STXBP5L: variants seen among roughly 807,000 people sequenced by gnomAD.
STXBP5L encodes the protein syntaxin binding protein 5L, also known as syntaxin-binding protein 5-like.
STXBP5L carries 65 observed loss-of-function variants against 144.5 expected under a neutral mutation model. The observed-to-expected ratio is 0.45, with a 90% CI of 0.37 to 0.55. The LOEUF (loss-of-function observed/expected upper bound fraction) is 0.55. Ranked by LOEUF, STXBP5L falls within the 20% of genes least tolerant of loss-of-function variation. The pLI is 0.00. For missense variants in STXBP5L, 1,298 were observed against 1,405.5 expected, an observed-to-expected ratio of 0.92 and a Z score of 1.22; for synonymous variants, 505 against 469.6, an observed-to-expected ratio of 1.08 and a Z score of -0.97.
intron 20 of STXBP5L, among the ~76,000 whole-genome samples, chr3:121,346,006 G>C (rs978830747): frequency 1.3e-5 from 2 of 151,484 alleles, no homozygotes; most frequent in Admixed American, 1.3e-4. Context: ...CACAACGTGC[G>C]GGTTTGTTGC....
rs143285940 is a variant in STXBP5L, at chr3:121,406,484, G to C, written c.2588-759G>C. Among the ~76,000 whole-genome samples the C allele has an allele frequency of 7.0e-4, 106 of 152,100 alleles. No homozygotes were observed. In the East Asian group the frequency reaches 0.018, roughly 25 times the overall value. On this transcript the variant is annotated intron_variant, in intron 22 of 26. Transcript: ENST00000471454. ...AGGGAAGATTCTGGAAATATCCAAAGATCAATAGAGCCCAAACTACCTCCT... is the reference window on the plus strand; with the variant it reads ...AGGGAAGATTCTGGAAATATCCAAACATCAATAGAGCCCAAACTACCTCCT...
In STXBP5L at chr3:121,259,073, A is replaced by G. The variant is rs2050302582; in HGVS notation, c.1863A>G (p.Pro621=). 3 of 1,606,602 alleles carry G rather than the reference A, an allele frequency of 1.9e-6. No homozygotes were observed. The highest frequency in any genetic ancestry group is 1.3e-5 in the African/African-American group (1 of 74,714). Residue 621 remains proline (P), a synonymous_variant, in exon 18 of 27, where the codon CCA becomes CCG. Transcript: ENST00000471454. The part of the protein sequence containing the change: ...NVKTRPVRMP[P]GYQAELVIQL... ...AGACACGGCCAGTGCGAATGCCTCC[A>G]GGATATCAAGCAGAACTTGTTATTC...
At chr3:121,354,522 T>C (rs1294291548) in intron 20 of STXBP5L, among the ~76,000 whole-genome samples, 1 of 147,110 alleles carries the variant, frequency 6.8e-6, no homozygotes, top group Non-Finnish European at 1.5e-5. Flanking sequence ...TTTTTTTTTT[T>C]TTTTTTTGCT....
intron 7 of STXBP5L, among the ~76,000 whole-genome samples, chr3:121,144,594 T>C (rs1376841742): frequency 2.6e-5 from 4 of 151,884 alleles, no homozygotes; most frequent in Non-Finnish European, 5.9e-5. Flanking sequence ...ACTACCTATA[T>C]AATACAGCAG....
At chr3:121,123,295 A>G (rs943172840) in intron 7 of STXBP5L, among the ~76,000 whole-genome samples, 1 of 151,642 alleles carries the variant, frequency 6.6e-6, no homozygotes, top group African/African-American at 2.4e-5. Flanking sequence ...TAAAACATAT[A>G]TTCGTTTTTG....
intron 7 of STXBP5L, among the ~76,000 whole-genome samples, chr3:121,133,637 C>A (rs771846581): frequency 1.4e-4 from 21 of 152,140 alleles, no homozygotes; most frequent in Non-Finnish European, 2.9e-4. Flanking sequence ...CTAAAGAGTT[C>A]TTTAAGTTGA....
rs151272658 is a variant in STXBP5L at position 120,914,174 on chromosome 3, T to C, written c.189+4407T>C. On this transcript the variant is annotated intron_variant, in intron 2 of 26. Transcript: ENST00000471454. ...GGGGGAACAACTCAGAAGTTCTAGA[T>C]TGACAGTGACAAACACACAGGGTGT... 2.5e-3 allele frequency among the ~76,000 whole-genome samples: 384 copies of C among 152,100 alleles called. 3 individuals are homozygous for C. Among genetic ancestry groups the C allele is most frequent in the Non-Finnish European group, 3.6e-3 (242 of 67,874 alleles).
intron 19 of STXBP5L, among the ~76,000 whole-genome samples, chr3:121,304,038 T>A (rs868425960): frequency 3.4e-5 from 5 of 147,934 alleles, no homozygotes; most frequent in South Asian, 4.4e-4. Context: ...AAAAAAAAAA[T>A]ACGTTGAAAG....
chr3:121,313,179 CTCACCT>C, intron 19 of STXBP5L, among the ~76,000 whole-genome samples: 15 of 143,606 alleles, frequency 1.0e-4, no homozygotes, highest in Admixed American at 4.1e-4. Context: ...AGAGGCGCCC[CTCACCT>C]CCCGGACGGG....
intron 3 of STXBP5L, among the ~76,000 whole-genome samples, chr3:121,025,135 T>TA (rs1945838162): frequency 1.3e-5 from 2 of 152,118 alleles, no homozygotes; most frequent in African/African-American, 4.8e-5. Context: ...TAAGAGAAGT[T>TA]AGAGAGGCCA....
At chr3:121,096,248 C>T (rs946929883) in intron 5 of STXBP5L, among the ~76,000 whole-genome samples, 9 of 152,158 alleles carry the variant, frequency 5.9e-5, no homozygotes, top group African/African-American at 2.2e-4. Flanking sequence ...GGAACCACCT[C>T]CTCCTCTAAC....
intron 7 of STXBP5L, among the ~76,000 whole-genome samples, chr3:121,130,403 G>A (rs982343568): frequency 6.6e-6 from 1 of 152,048 alleles, no homozygotes; most frequent in African/African-American, 2.4e-5. Flanking sequence ...GTATATTTAG[G>A]ATGTTAGCCT....
chr3:121,154,333 A>C (rs2046043109), intron 8 of STXBP5L, among the ~76,000 whole-genome samples: 1 of 151,908 alleles, frequency 6.6e-6, no homozygotes, highest in South Asian at 2.1e-4. Context: ...TCATATCTAG[A>C]AAGCATGCTT....
At chr3:121,053,850 G>A (rs1298762534) in intron 5 of STXBP5L, among the ~76,000 whole-genome samples, 8 of 152,002 alleles carry the variant, frequency 5.3e-5, no homozygotes, top group Non-Finnish European at 7.4e-5. Context: ...CTGACAAAGG[G>A]CTAATATCCA....
intron 20 of STXBP5L, among the ~76,000 whole-genome samples, chr3:121,347,518 G>C (rs1483945325): frequency 6.6e-6 from 1 of 152,136 alleles, no homozygotes; most frequent in South Asian, 2.1e-4. Context: ...ACTTGATGGG[G>C]ATGGCATTGA....
intron 20 of STXBP5L, among the ~76,000 whole-genome samples, chr3:121,361,583 G>T (rs533765832): frequency 6.6e-6 from 1 of 151,730 alleles, no homozygotes; most frequent in South Asian, 2.1e-4. Context: ...ACACTCTTAT[G>T]CATTCTTCAG....
At chr3:121,149,427 G>A (rs922169593) in intron 7 of STXBP5L, among the ~76,000 whole-genome samples, 2 of 151,800 alleles carry the variant, frequency 1.3e-5, no homozygotes, top group Non-Finnish European at 2.9e-5. Context: ...CAGGAAGAAG[G>A]CAAGGATGCT....
intron 5 of STXBP5L, among the ~76,000 whole-genome samples, chr3:121,094,029 G>A (rs12494809): frequency 0.099 from 15,104 of 151,918 alleles, 1,177 homozygotes; most frequent in Admixed American, 0.2. Context: ...TTTGTTATGT[G>A]CCCAGTAGTC....
intron 12 of STXBP5L, among the ~76,000 whole-genome samples, chr3:121,236,018 A>G (rs527976659): frequency 6.6e-6 from 1 of 152,332 alleles, no homozygotes; most frequent in South Asian, 2.1e-4. Flanking sequence ...GATATAGCAT[A>G]GAATAATACT....
Sources: gnomAD v4.1 joint callset for allele counts (sites outside exome capture counted in the v4.1 genomes callset) on GRCh38, gnomAD v4.1.1 for gene constraint, MANE v1.5 for transcripts, NCBI Gene and HGNC (gene_info 2026-07-23, HGNC 2026-07-21) for gene names.